Variants in LRRK1 observed in about 807,000 individuals in gnomAD.
LRRK1 encodes the protein leucine rich repeat kinase 1, also known as leucine-rich repeat serine/threonine-protein kinase 1.
In LRRK1, 113 loss-of-function variants were observed where a neutral mutation model predicts 209.1. The observed-to-expected ratio is 0.54, with a 90% CI of 0.46 to 0.63. The LOEUF is 0.63. LRRK1 is among the 30% of genes least tolerant of loss of function. The pLI is 0.00. For missense variants in LRRK1, 2,284 were observed against 2,632.2 expected, an observed-to-expected ratio of 0.87 and a Z score of 2.89; for synonymous variants, 1,144 against 1,099.7, an observed-to-expected ratio of 1.04 and a Z score of -0.80.
chr15:100,919,804 G>T lies in LRRK1; in HGVS notation c.-123+353G>T, dbSNP rs1051447440. Among the ~76,000 whole-genome samples the T allele has an allele frequency of 5.9e-5, 9 of 152,272 alleles. No individual in the cohort carries two copies. The South Asian group carries it at 1.9e-3, about 32-fold the overall frequency. ...GCTGGGAAGCGGAGGCAAGAGACAC[G>T]AGTCGGGAGACACGAGCCGGGGAGC... is the stretch of plus-strand genomic sequence containing the variant. On this transcript the variant is annotated intron_variant, in intron 1 of 33. Transcript: ENST00000388948. The surrounding 1 kb of genome is among the most constrained non-coding windows in gnomAD (Gnocchi z 5.8).
At chr15:101,005,465 C>A (rs1000706034) in intron 6 of LRRK1, among the ~76,000 whole-genome samples, 23 of 152,154 alleles carry the variant, frequency 1.5e-4, no homozygotes, top group Admixed American at 5.9e-4. Context: ...GGGAAAAAAA[C>A]CCCTTTGCTG....
rs112388222 is a variant in LRRK1 at position 100,930,429 on chromosome 15, G to A, written c.97+5700G>A. Among the ~76,000 whole-genome samples, 672 of 152,200 alleles carry A rather than the reference G, an allele frequency of 4.4e-3. 8 individuals carry two copies. Among genetic ancestry groups the A allele is most frequent in the African/African-American group, 0.014 (581 of 41,504 alleles). On this transcript the variant is annotated intron_variant, in intron 2 of 33. Coordinates refer to ENST00000388948, the MANE Select transcript of LRRK1 (RefSeq NM_024652.6). ...CTGCTTCCCCACCCTGCCGTGGACC[G>A]GCTTTCAGGAGCACCCCCACTGATC...
At position 101,074,142 on chromosome 15, in the gene LRRK1, C is replaced by A. The variant is rs1462886427; in HGVS notation, c.*5294C>A. On this transcript the variant is annotated 3_prime_UTR_variant, in exon 34 of 34. Coordinates refer to ENST00000388948, the MANE Select transcript of LRRK1 (RefSeq NM_024652.6). ...TTTCCCTCCCGCCTGTCTCCTCAGT[C>A]CCAACCCCAAGCATCGCTGAGTCTT... The A allele has an allele frequency of 5.9e-5, 9 of 152,206 alleles. No individual in the cohort carries two copies. The highest frequency in any genetic ancestry group is 3.9e-4 in the Admixed American group (6 of 15,282). The allele number at this position is 152,206 out of a possible 1,614,324, so 9.4% of individuals were successfully genotyped here.
intron 2 of LRRK1, among the ~76,000 whole-genome samples, chr15:100,971,733 C>T (rs2030897819): frequency 6.6e-6 from 1 of 152,140 alleles, no homozygotes; most frequent in South Asian, 2.1e-4. Context: ...TTCCTTCTTA[C>T]TGTATGCTTG....
At chr15:101,010,152 C>T (rs2033163033) in intron 7 of LRRK1, among the ~76,000 whole-genome samples, 1 of 152,214 alleles carries the variant, frequency 6.6e-6, no homozygotes, top group African/African-American at 2.4e-5. Flanking sequence ...TCTGTGGTCT[C>T]AGCAGCTTTC....
At chr15:100,928,317 C>T (rs1293120948) in intron 2 of LRRK1, among the ~76,000 whole-genome samples, 1 of 152,088 alleles carries the variant, frequency 6.6e-6, no homozygotes, top group African/African-American at 2.4e-5. Context: ...TGCAGCTGAT[C>T]CCCCCGCAGG....
intron 6 of LRRK1, among the ~76,000 whole-genome samples, chr15:100,998,302 A>G (rs962864798): frequency 6.6e-6 from 1 of 151,148 alleles, no homozygotes; most frequent in African/African-American, 2.5e-5. Flanking sequence ...CCTCCTCAGC[A>G]CTCAGCACTC....
rs1351595378 is a variant in LRRK1, at chr15:101,010,483, G to C, written c.1023G>C (p.Leu341Phe). 6 of 1,611,858 alleles carry C rather than the reference G, an allele frequency of 3.7e-6. No individual in the cohort carries two copies. The Admixed American group carries it at 5.0e-5, about 13-fold the overall frequency. The change falls in exon 8 of 34, where the codon TTG becomes TTC. Residue 341 changes from leucine to phenylalanine, a missense_variant. By Grantham distance (22) the Leu-to-Phe change is conservative (BLOSUM62 0). This residue lies in a region of LRRK1 where 494 missense variants were observed against 522.1 expected (regional missense o/e 0.95). Transcript: ENST00000388948. ...AAATTGACATTTCCAGCAACAAGTT[G>C]TCCCACCTCCCTCCTGGATTCTTGC... ...LLEIDISSNK[L>F]SHLPPGFLHL...
At chr15:101,043,293 C>T (rs1171947957) in intron 20 of LRRK1, among the ~76,000 whole-genome samples, 2 of 152,220 alleles carry the variant, frequency 1.3e-5, no homozygotes, top group African/African-American at 2.4e-5. Context: ...CCCCACCCAC[C>T]TCCCACTAGG....
chr15:100,932,356 C>T (rs2042228019), intron 2 of LRRK1, among the ~76,000 whole-genome samples: 1 of 152,212 alleles, frequency 6.6e-6, no homozygotes, highest in Non-Finnish European at 1.5e-5. Flanking sequence ...TCTGGTTTTA[C>T]ATGCATATTC....
intron 6 of LRRK1, among the ~76,000 whole-genome samples, chr15:101,004,351 G>A (rs11857475): frequency 0.12 from 18,482 of 152,134 alleles, 1,290 homozygotes; most frequent in African/African-American, 0.19. Context: ...GGGCTAGGGA[G>A]AGCTGAAAGG....
intron 15 of LRRK1, among the ~76,000 whole-genome samples, chr15:101,023,163 C>T (rs569367850): frequency 1.3e-5 from 2 of 152,262 alleles, no homozygotes; most frequent in South Asian, 4.1e-4. Flanking sequence ...GGACTTAACA[C>T]CCTGCCGTCC....
At position 101,053,009 on chromosome 15, in the gene LRRK1, G is replaced by A. The variant is rs2035560694; in HGVS notation, c.3777G>A (p.Arg1259=). The A allele has an allele frequency of 1.2e-6, 2 of 1,613,104 alleles. No homozygotes were observed. Among genetic ancestry groups the A allele is most frequent in the Non-Finnish European group, 1.7e-6 (2 of 1,179,516 alleles). ...GCGGCAGTGGCACCGTCATCTACCG[G>A]GCCCGGTACCAGGGCCAGCCTGTGG... ...GQGGSGTVIY[R]ARYQGQPVAV... Residue 1259 remains arginine (R), a synonymous_variant, in exon 25 of 34, where the codon CGG becomes CGA. Coordinates refer to ENST00000388948, the MANE Select transcript of LRRK1 (RefSeq NM_024652.6).
chr15:100,945,585 C>T (rs1286593828), intron 2 of LRRK1, among the ~76,000 whole-genome samples: 1 of 142,774 alleles, frequency 7.0e-6, no homozygotes, highest in Admixed American at 7.3e-5. Context: ...CCTCCGCCTC[C>T]TGGGTTCAAA....
rs969926609 is a variant in LRRK1 at position 101,012,321 on chromosome 15, C to G, written c.1419+176C>G. Among the ~76,000 whole-genome samples, 3 of 152,268 alleles carry G rather than the reference C, an allele frequency of 2.0e-5. No individual in the cohort carries two copies. The East Asian group carries it at 5.8e-4, about 29-fold the overall frequency. ...GCCACGAACAGCGATGAGGGTGGCA[C>G]GTGGACAGCAGAAGCAGCTGTGTCA... On this transcript the variant is annotated intron_variant, in intron 10 of 33. Coordinates refer to ENST00000388948, the MANE Select transcript of LRRK1 (RefSeq NM_024652.6).
At chr15:100,980,533 G>A (rs551733701) in intron 3 of LRRK1, among the ~76,000 whole-genome samples, 2 of 152,260 alleles carry the variant, frequency 1.3e-5, no homozygotes, top group South Asian at 2.1e-4. Context: ...AAGTCTACAT[G>A]TGTGACAAAA....
intron 2 of LRRK1, among the ~76,000 whole-genome samples, chr15:100,954,425 G>A (rs1363086919): frequency 6.6e-6 from 1 of 152,092 alleles, no homozygotes; most frequent in Non-Finnish European, 1.5e-5. Context: ...TATATGGTTT[G>A]CAATATTTTC....
chr15:101,025,033 C>A, intron 16 of LRRK1, 66 bp downstream of exon 16: 1 of 1,507,084 alleles, frequency 6.6e-7, no homozygotes, highest in Admixed American at 1.8e-5. Flanking sequence ...CACCGCTTCC[C>A]TCAAGCATCC....
chr15:100,920,979 T>G (rs2042010862), intron 1 of LRRK1, among the ~76,000 whole-genome samples: 1 of 152,096 alleles, frequency 6.6e-6, no homozygotes, highest in African/African-American at 2.4e-5. Flanking sequence ...CTCCTGACTC[T>G]TCACACAGCC....
Sources: gnomAD v4.1 joint callset for allele counts (sites outside exome capture counted in the v4.1 genomes callset) on GRCh38, gnomAD v4.1.1 for gene constraint, gnomAD v4.1.1 regional missense constraint, Gnocchi (gnomAD v3.1) non-coding constraint, MANE v1.5 for transcripts, NCBI Gene and HGNC (gene_info 2026-07-23, HGNC 2026-07-21) for gene names.